Variants in TNNI3K observed in about 807,000 individuals in gnomAD.
TNNI3K encodes the protein TNNI3 interacting kinase, also known as serine/threonine-protein kinase TNNI3K.
Under a neutral mutation model 114.5 loss-of-function variants are expected in TNNI3K, and 140 were observed. The ratio of observed to expected loss-of-function variants is 1.22; its 90% CI spans 1.07 to 1.41. The LOEUF (loss-of-function observed/expected upper bound fraction) is 1.41. Among genes scored for constraint, TNNI3K ranks in the 40% most tolerant of loss-of-function variants. TNNI3K has a pLI of 0.00. For missense variants in TNNI3K, 1,125 were observed against 1,007.6 expected (o/e 1.12, Z -1.58); for synonymous variants, 347 against 347.5 (o/e 1.00, Z 0.02).
At position 74,354,130 on chromosome 1, in the gene TNNI3K, G is replaced by T; in HGVS notation, c.1177+1G>T. 1.2e-6 allele frequency: 2 copies of T among 1,613,900 alleles called. No individual in the cohort carries two copies. The highest frequency in any genetic ancestry group is 2.2e-5 in the South Asian group (2 of 91,072). ...TGTTTGATGTGGGCTTATGAAAAAG[G>T]TATATTTTTAATCATCGTGTCTCTA... is the stretch of plus-strand genomic sequence containing the variant. On this transcript the variant is annotated splice_donor_variant, in intron 11 of 24. Transcript: ENST00000326637. LOFTEE classifies it high-confidence loss of function.
At chr1:74,313,077 C>A (rs1659089510) in intron 5 of TNNI3K, among the ~76,000 whole-genome samples, 1 of 152,154 alleles carries the variant, frequency 6.6e-6, no homozygotes, top group Non-Finnish European at 1.5e-5. Context: ...TGTCTTGGAT[C>A]CTAGAGCCTG....
chr1:74,350,434 T>C (rs535617663), intron 9 of TNNI3K, among the ~76,000 whole-genome samples: 43 of 152,304 alleles, frequency 2.8e-4, no homozygotes, highest in Admixed American at 2.5e-3. Context: ...CTGAAAAGAA[T>C]GTATATTCTG....
chr1:74,365,005 T>A (rs1409750172), intron 11 of TNNI3K, among the ~76,000 whole-genome samples: 2 of 152,032 alleles, frequency 1.3e-5, no homozygotes, highest in African/African-American at 4.8e-5. Context: ...CAATAGAAAA[T>A]GAATACACTG....
intron 9 of TNNI3K, among the ~76,000 whole-genome samples, chr1:74,347,081 T>C (rs1344896909): frequency 6.6e-6 from 1 of 151,936 alleles, no homozygotes; most frequent in Non-Finnish European, 1.5e-5. Flanking sequence ...ACATGTGCCA[T>C]GTTGCTGAGC....
chr1:74,482,975 A>G (rs1668578922), intron 21 of TNNI3K, among the ~76,000 whole-genome samples: 1 of 152,228 alleles, frequency 6.6e-6, no homozygotes, highest in Non-Finnish European at 1.5e-5. Context: ...GTACAAAGAT[A>G]TTAAAGTGAT....
chr1:74,258,711 C>G (rs1403220259), intron 4 of TNNI3K, among the ~76,000 whole-genome samples: 1 of 152,204 alleles, frequency 6.6e-6, no homozygotes, highest in Non-Finnish European at 1.5e-5. Context: ...ATATGAGACT[C>G]AAGATCCCTT....
chr1:74,453,297 T>C (rs995511392), intron 20 of TNNI3K, among the ~76,000 whole-genome samples: 6 of 152,226 alleles, frequency 3.9e-5, no homozygotes, highest in Admixed American at 2.6e-4. Flanking sequence ...AGAGATTTTG[T>C]TTATGATAGA....
At chr1:74,501,196 T>A (rs1486118624) in intron 23 of TNNI3K, among the ~76,000 whole-genome samples, 1 of 152,212 alleles carries the variant, frequency 6.6e-6, no homozygotes, top group African/African-American at 2.4e-5. Context: ...GCTTTCTGGG[T>A]AATTTTTTCA....
chr1:74,246,376 C>A (rs1654554680), intron 2 of TNNI3K, among the ~76,000 whole-genome samples: 1 of 152,196 alleles, frequency 6.6e-6, no homozygotes, highest in Non-Finnish European at 1.5e-5. Context: ...TTCAGCGGAG[C>A]TGAACTCTGC....
intron 17 of TNNI3K, among the ~76,000 whole-genome samples, chr1:74,420,805 AAACT>A (rs1273676994): frequency 2.0e-5 from 3 of 152,230 alleles, no homozygotes; most frequent in East Asian, 3.9e-4. Flanking sequence ...TCAATCTTTG[AAACT>A]AACTGATTTC....
At chr1:74,307,746 C>T (rs1347275870) in intron 5 of TNNI3K, among the ~76,000 whole-genome samples, 6 of 151,926 alleles carry the variant, frequency 3.9e-5, no homozygotes, top group African/African-American at 9.7e-5. Flanking sequence ...TTTGGGAGGC[C>T]GAGGTCAGGA....
chr1:74,260,315 A>T (rs1655586877), intron 4 of TNNI3K, among the ~76,000 whole-genome samples: 1 of 152,194 alleles, frequency 6.6e-6, no homozygotes, highest in African/African-American at 2.4e-5. Flanking sequence ...CTTGAGAAAT[A>T]CTTGTTTGGA....
At chr1:74,331,825 CTAGTG>C (rs1314805855) in intron 6 of TNNI3K, among the ~76,000 whole-genome samples, 2 of 152,048 alleles carry the variant, frequency 1.3e-5, no homozygotes, top group Non-Finnish European at 2.9e-5. Flanking sequence ...TGAAAAATTC[CTAGTG>C]TTTTGACCAG....
intron 23 of TNNI3K, among the ~76,000 whole-genome samples, chr1:74,526,017 G>A (rs1328929400): frequency 6.6e-6 from 1 of 152,134 alleles, no homozygotes; most frequent in African/African-American, 2.4e-5. Flanking sequence ...TGAGGCAAAG[G>A]GTCCCAGAGG....
At chr1:74,511,147 G>A (rs559204539) in intron 23 of TNNI3K, among the ~76,000 whole-genome samples, 72 of 151,438 alleles carry the variant, frequency 4.8e-4, no homozygotes, top group Non-Finnish European at 8.1e-4. Flanking sequence ...ATCCGCCTTG[G>A]CCTCCCAAAG....
At chr1:74,257,955 C>T (rs1655430312) in intron 4 of TNNI3K, among the ~76,000 whole-genome samples, 1 of 152,148 alleles carries the variant, frequency 6.6e-6, no homozygotes, top group African/African-American at 2.4e-5. Context: ...GCGTGAGCCA[C>T]CGTGCCCGGC....
intron 20 of TNNI3K, among the ~76,000 whole-genome samples, chr1:74,461,280 A>C (rs1400992947): frequency 6.6e-6 from 1 of 152,190 alleles, no homozygotes; most frequent in East Asian, 1.9e-4. Flanking sequence ...GGAGATCGAG[A>C]CCATCCTGCT....
intron 4 of TNNI3K, among the ~76,000 whole-genome samples, chr1:74,259,236 C>T (rs1000405722): frequency 1.3e-5 from 2 of 152,168 alleles, no homozygotes; most frequent in Non-Finnish European, 2.9e-5. Flanking sequence ...GCTGGAGAAT[C>T]AGGAAAGCTG....
At chr1:74,439,981 C>T (rs948727468) in intron 20 of TNNI3K, among the ~76,000 whole-genome samples, 34 of 152,114 alleles carry the variant, frequency 2.2e-4, no homozygotes, top group Admixed American at 7.2e-4. Flanking sequence ...GCCCTTTTAA[C>T]ATGTATATAG....
Sources: allele counts gnomAD v4.1 joint callset (sites outside exome capture counted in the v4.1 genomes callset), GRCh38; gene constraint gnomAD v4.1.1; transcripts MANE v1.5; gene names NCBI Gene and HGNC (gene_info 2026-07-23, HGNC 2026-07-21).